Variants in RUNDC3B observed in about 807,000 individuals in gnomAD.
The protein encoded by RUNDC3B is RUN domain containing 3B.
In RUNDC3B, 33 loss-of-function variants were observed where a neutral mutation model predicts 58.4. The ratio of observed to expected loss-of-function variants is 0.56; its 90% confidence interval spans 0.43 to 0.75. RUNDC3B has a LOEUF of 0.75. Among genes scored for constraint, RUNDC3B ranks in the 30% least tolerant of loss-of-function variants. RUNDC3B has a pLI of 0.00. For synonymous variants in RUNDC3B, 193 were observed against 195.2 expected (o/e 0.99, Z 0.10); for missense variants, 501 against 535.7 (o/e 0.94, Z 0.64).
chr7:87,725,623 G>A (rs1364584050), intron 4 of RUNDC3B, among the ~76,000 whole-genome samples: 5 of 152,178 alleles, frequency 3.3e-5, no homozygotes, highest in African/African-American at 1.2e-4. Context: ...GGATGGCTGG[G>A]TCAAATGGTA....
chr7:87,634,455 C>G (rs574543737), intron 1 of RUNDC3B, among the ~76,000 whole-genome samples: 100 of 125,682 alleles, frequency 8.0e-4, no homozygotes, highest in African/African-American at 3.1e-3. Context: ...AACCCCGTCT[C>G]TACTAAAAAT....
At position 87,739,782 on chromosome 7, in the gene RUNDC3B, A is replaced by G; in HGVS notation, c.459-9A>G. 1 of 1,435,364 alleles carries G rather than the reference A, an allele frequency of 7.0e-7. No individual in the cohort carries two copies. The allele number at this position is 1,435,364 out of a possible 1,614,324, so 88.9% of individuals were successfully genotyped here. A position where few individuals can be genotyped will look rare whatever the true frequency, so the allele number is the denominator to read the frequency against. ...AATATTTTATATATTCACCCATTTC[A>G]TTTTTTAGGAGATTTTATGAAGATG... On this transcript the variant is annotated splice_polypyrimidine_tract_variant and intron_variant, in intron 4 of 10. Transcript: ENST00000394654.
intron 10 of RUNDC3B, among the ~76,000 whole-genome samples, chr7:87,828,768 A>G (rs1430874177): frequency 2.0e-5 from 3 of 152,166 alleles, no homozygotes; most frequent in Non-Finnish European, 4.4e-5. Flanking sequence ...TCGAATGGTA[A>G]TTCTGTTTTA....
At chr7:87,631,095 C>G (rs976403192) in intron 1 of RUNDC3B, among the ~76,000 whole-genome samples, 1 of 152,068 alleles carries the variant, frequency 6.6e-6, no homozygotes, top group African/African-American at 2.4e-5. Flanking sequence ...CTCTGGATTT[C>G]ATTTGTATTG....
chr7:87,802,737 G>A (rs570982007), intron 8 of RUNDC3B, among the ~76,000 whole-genome samples: 1 of 152,122 alleles, frequency 6.6e-6, no homozygotes, highest in African/African-American at 2.4e-5. Flanking sequence ...AGGCATAGTG[G>A]CTCACGCCTG....
chr7:87,681,891 T>C (rs1021747579), intron 2 of RUNDC3B, among the ~76,000 whole-genome samples: 1 of 152,208 alleles, frequency 6.6e-6, no homozygotes, highest in African/African-American at 2.4e-5. Flanking sequence ...GGACTCTTCC[T>C]TTCATGAAAG....
chr7:87,744,867 G>A (rs879905003), intron 6 of RUNDC3B, among the ~76,000 whole-genome samples: 21 of 152,266 alleles, frequency 1.4e-4, no homozygotes, highest in Middle Eastern at 3.4e-3. Flanking sequence ...GAGGAGTGGT[G>A]AGAGTGGACA....
intron 2 of RUNDC3B, among the ~76,000 whole-genome samples, chr7:87,671,135 G>T (rs1055397603): frequency 2.6e-5 from 4 of 152,056 alleles, no homozygotes; most frequent in African/African-American, 9.7e-5. Flanking sequence ...CTGTACTGTG[G>T]CCCCAGGCCA....
intron 2 of RUNDC3B, among the ~76,000 whole-genome samples, chr7:87,678,638 A>T (rs941344662): frequency 3.3e-5 from 5 of 152,202 alleles, no homozygotes; most frequent in Non-Finnish European, 7.4e-5. Flanking sequence ...AAGCACTCCA[A>T]TTAAAAGAGA....
intron 8 of RUNDC3B, among the ~76,000 whole-genome samples, chr7:87,791,766 T>C (rs561097818): frequency 6.6e-6 from 1 of 150,912 alleles, no homozygotes; most frequent in South Asian, 2.1e-4. Flanking sequence ...CCAGAGAAAA[T>C]CACTTTCACA....
chr7:87,666,506 G>A (rs890313665), intron 2 of RUNDC3B, among the ~76,000 whole-genome samples: 8 of 151,960 alleles, frequency 5.3e-5, no homozygotes, highest in African/African-American at 1.9e-4. Flanking sequence ...AGATCCATTT[G>A]TCAATTTTTA....
intron 8 of RUNDC3B, among the ~76,000 whole-genome samples, chr7:87,796,385 A>G (rs1835821378): frequency 6.6e-6 from 1 of 152,160 alleles, no homozygotes; most frequent in Non-Finnish European, 1.5e-5. Flanking sequence ...AATGAATAAG[A>G]CCTAGTATTT....
intron 7 of RUNDC3B, among the ~76,000 whole-genome samples, chr7:87,771,446 T>C (rs182300502): frequency 1.4e-3 from 212 of 152,294 alleles, no homozygotes; most frequent in Non-Finnish European, 2.7e-3. Flanking sequence ...ATAATGCATA[T>C]GAAGAAAACT....
At chr7:87,663,437 T>C (rs1431584983) in intron 2 of RUNDC3B, among the ~76,000 whole-genome samples, 1 of 152,154 alleles carries the variant, frequency 6.6e-6, no homozygotes, top group African/African-American at 2.4e-5. Flanking sequence ...TCCCTACAGT[T>C]GGCTTTTCTT....
intron 6 of RUNDC3B, among the ~76,000 whole-genome samples, chr7:87,766,840 C>G (rs1168983378): frequency 6.6e-6 from 1 of 151,916 alleles, no homozygotes; most frequent in Non-Finnish European, 1.5e-5. Context: ...ATATTTTTTC[C>G]AAACATTTTA....
At chr7:87,692,227 A>G (rs1585116639) in intron 2 of RUNDC3B, among the ~76,000 whole-genome samples, 1 of 152,212 alleles carries the variant, frequency 6.6e-6, no homozygotes, top group East Asian at 1.9e-4. Context: ...ACGGCAGGAT[A>G]ATCCATTGAG....
intron 8 of RUNDC3B, among the ~76,000 whole-genome samples, chr7:87,789,975 C>T (rs1835434762): frequency 6.6e-6 from 1 of 152,204 alleles, no homozygotes; most frequent in Non-Finnish European, 1.5e-5. Context: ...GGGAAGGACA[C>T]AAGCCTGGCT....
chr7:87,801,358 A>T (rs910596805), intron 8 of RUNDC3B, among the ~76,000 whole-genome samples: 1 of 152,238 alleles, frequency 6.6e-6, no homozygotes, highest in African/African-American at 2.4e-5. Flanking sequence ...AGTGAGGTAA[A>T]ATTTTAAGTC....
chr7:87,662,167 G>A (rs1283283202), intron 2 of RUNDC3B, among the ~76,000 whole-genome samples: 1 of 151,050 alleles, frequency 6.6e-6, no homozygotes, highest in African/African-American at 2.4e-5. Flanking sequence ...TGTCAGATGA[G>A]TAGTCTGCAA....
Sources: allele counts gnomAD v4.1 joint callset (sites outside exome capture counted in the v4.1 genomes callset), GRCh38; gene constraint gnomAD v4.1.1; transcripts MANE v1.5; gene names NCBI Gene and HGNC (gene_info 2026-07-23, HGNC 2026-07-21).